Variants in NTM observed in about 807,000 individuals in gnomAD.
The protein encoded by NTM is neurotrimin, also known as IgLON family member 2.
Under a neutral mutation model 42.1 loss-of-function variants are expected in NTM, and 13 were observed. The ratio of observed to expected loss-of-function variants is 0.31; its 90% CI spans 0.20 to 0.49. NTM has a LOEUF of 0.49. Among genes scored for constraint, NTM ranks in the 20% least tolerant of loss-of-function variants. The pLI, the probability that NTM is intolerant of heterozygous loss-of-function variation, is 0.99. For synonymous variants in NTM, 187 were observed against 179.2 expected, an observed-to-expected ratio of 1.04 and a Z score of -0.35; for missense variants, 373 against 452.8, an observed-to-expected ratio of 0.82 and a Z score of 1.60.
At chr11:131,888,394 C>T (rs1235006496) in intron 1 of NTM, among the ~76,000 whole-genome samples, 1 of 152,178 alleles carries the variant, frequency 6.6e-6, no homozygotes, top group African/African-American at 2.4e-5. Flanking sequence ...GTCGTTCATT[C>T]CCCTCCAGCT....
Position 131,878,587 on chromosome 11 carries a change from AAAAAAAAATATATATATATATATATAT to A in NTM, c.83-32975_83-32949del, listed in dbSNP as rs1398870649. Among the ~76,000 whole-genome samples the A allele has an allele frequency of 3.6e-4, 21 of 58,554 alleles. 1 individual carries two copies. The highest frequency in any genetic ancestry group is 6.0e-4 in the East Asian group (1 of 1,672). 38.4% of individuals were successfully genotyped at this position (58,554 alleles called of 152,430 possible). On this transcript the variant is annotated intron_variant, in intron 1 of 8. Coordinates refer to ENST00000683400, the MANE Select transcript of NTM (RefSeq NM_001352005.2). ...TCCATCTCAAAAAAAAAAAAAAAAA[AAAAAAAAATATATATATATATATATAT>A]ATATATATATATATATATATATATA...
intron 1 of NTM, among the ~76,000 whole-genome samples, chr11:131,515,365 T>A (rs1406645456): frequency 6.6e-6 from 1 of 152,172 alleles, no homozygotes; most frequent in East Asian, 1.9e-4. Flanking sequence ...TTAGAGAATG[T>A]TCTCGGAGCC....
At chr11:131,753,061 C>G (rs946571825) in intron 1 of NTM, among the ~76,000 whole-genome samples, 2 of 151,928 alleles carry the variant, frequency 1.3e-5, no homozygotes, top group Non-Finnish European at 2.9e-5. Context: ...ACAAACAACC[C>G]CATCAAAAAG....
chr11:131,425,179 G>A (rs1331469046), intron 1 of NTM, among the ~76,000 whole-genome samples: 1 of 152,128 alleles, frequency 6.6e-6, no homozygotes, highest in African/African-American at 2.4e-5. Context: ...ATTGCGCCTG[G>A]CTAGTTGTCT....
chr11:131,735,720 G>A (rs1015326746), intron 1 of NTM, among the ~76,000 whole-genome samples: 6 of 152,044 alleles, frequency 3.9e-5, no homozygotes, highest in Admixed American at 6.6e-5. Flanking sequence ...TAGCTCAGTC[G>A]CTCTTTCCAT....
At chr11:131,715,418 A>G (rs912326354) in intron 1 of NTM, among the ~76,000 whole-genome samples, 12 of 152,166 alleles carry the variant, frequency 7.9e-5, no homozygotes, top group African/African-American at 2.7e-4. Context: ...ATTTTAGACT[A>G]TTTCATCTGC....
At position 132,028,159 on chromosome 11, in the gene NTM, A is replaced by C. The variant is rs141244399; in HGVS notation, c.167+116511A>C. ...TTAGAACTCTTAGCATATTATTCATAGTTACTTTAAATCCTCAATCTGATA... is the reference window on the plus strand; with the variant it reads ...TTAGAACTCTTAGCATATTATTCATCGTTACTTTAAATCCTCAATCTGATA... On this transcript the variant is annotated intron_variant, in intron 2 of 8. Coordinates refer to ENST00000683400, the MANE Select transcript of NTM (RefSeq NM_001352005.2). Among the ~76,000 whole-genome samples the C allele has an allele frequency of 7.1e-3, 1,065 of 150,770 alleles. 10 individuals are homozygous for C. Among genetic ancestry groups the C allele is most frequent in the African/African-American group, 0.024 (1,006 of 41,146 alleles).
At chr11:131,642,642 A>C (rs1412997342) in intron 1 of NTM, among the ~76,000 whole-genome samples, 1 of 152,158 alleles carries the variant, frequency 6.6e-6, no homozygotes, top group East Asian at 1.9e-4. Context: ...CCCAAGCTAC[A>C]GGGGAAGGAA....
intron 1 of NTM, among the ~76,000 whole-genome samples, chr11:131,565,000 C>T (rs938762288): frequency 4.6e-5 from 7 of 152,208 alleles, no homozygotes; most frequent in East Asian, 1.9e-4. Flanking sequence ...CACCGCCATG[C>T]GGTATGGGAC....
At position 131,736,734 on chromosome 11, in the gene NTM, G is replaced by T. The variant is rs56293415; in HGVS notation, c.83-174830G>T. Among the ~76,000 whole-genome samples the T allele has an allele frequency of 2.4e-3, 369 of 152,252 alleles. 4 individuals carry two copies. The highest frequency in any genetic ancestry group is 2.2e-3 in the Non-Finnish European group (147 of 68,018). ...GTAACTCAACTTTGGTAAAAATAGT[G>T]CAGACATTTCCGCAGCTTCTCTTAG... On this transcript the variant is annotated intron_variant, in intron 1 of 8. Coordinates refer to ENST00000683400, the MANE Select transcript of NTM (RefSeq NM_001352005.2).
intron 1 of NTM, among the ~76,000 whole-genome samples, chr11:131,421,622 G>T (rs1403709858): frequency 6.6e-6 from 1 of 152,190 alleles, no homozygotes; most frequent in Non-Finnish European, 1.5e-5. Context: ...GGGAGGTGAC[G>T]TGGGTCAAGA....
At chr11:132,013,774 G>A (rs959342098) in intron 2 of NTM, among the ~76,000 whole-genome samples, 1 of 152,056 alleles carries the variant, frequency 6.6e-6, no homozygotes, top group African/African-American at 2.4e-5. Context: ...ATTTGTTCAT[G>A]TTTATGTGAT....
intron 1 of NTM, among the ~76,000 whole-genome samples, chr11:131,476,788 C>T (rs1334400975): frequency 7.0e-6 from 1 of 141,912 alleles, no homozygotes; most frequent in Non-Finnish European, 1.5e-5. Flanking sequence ...TCCTACTCAG[C>T]CCACATAGGC....
At chr11:132,318,667 T>C (rs1591989845) in intron 7 of NTM, among the ~76,000 whole-genome samples, 1 of 152,334 alleles carries the variant, frequency 6.6e-6, no homozygotes, top group Non-Finnish European at 1.5e-5. Context: ...GCTGTCACCC[T>C]GAGGACAGTG....
chr11:131,794,950 G>A (rs533065880), intron 1 of NTM: 114 of 985,276 alleles, frequency 1.2e-4, no homozygotes, highest in Middle Eastern at 5.2e-4. Context: ...ACCTGAACCC[G>A]CATGTCAGTG....
chr11:131,599,338 T>C lies in NTM; in HGVS notation c.82+228450T>C, dbSNP rs111733371. Reference sequence around the variant, plus strand: ...TCTACCCAGTCTCCGGCAGATGCCCTGTCTACCCAGTCTCCGGCAGATGCC... The same window carrying C: ...TCTACCCAGTCTCCGGCAGATGCCCCGTCTACCCAGTCTCCGGCAGATGCC... On this transcript the variant is annotated intron_variant, in intron 1 of 8. Transcript: ENST00000683400. Among the ~76,000 whole-genome samples the C allele has an allele frequency of 4.2e-3, 229 of 54,884 alleles. 28 individuals are homozygous for C. The highest frequency in any genetic ancestry group is 7.0e-3 in the African/African-American group (209 of 30,056). The allele number at this position is 54,884 out of a possible 152,430, so 36.0% of individuals were successfully genotyped here. A position where few individuals can be genotyped will look rare whatever the true frequency, so the allele number is the denominator to read the frequency against.
chr11:131,939,024 CG>C (rs2059523982), intron 2 of NTM, among the ~76,000 whole-genome samples: 1 of 152,008 alleles, frequency 6.6e-6, no homozygotes, highest in South Asian at 2.1e-4. Context: ...TTGCAAAGCT[CG>C]GGAAAGAGAT....
chr11:132,242,153 C>G (rs1177248770), intron 4 of NTM, among the ~76,000 whole-genome samples: 1 of 152,216 alleles, frequency 6.6e-6, no homozygotes, highest in Non-Finnish European at 1.5e-5. Context: ...CCTCTCAGTC[C>G]TTAGCCTCAG....
rs554102949 is a variant in NTM at position 132,213,977 on chromosome 11, G to A, written c.526+1830G>A. Among the ~76,000 whole-genome samples the A allele has an allele frequency of 2.8e-4, 17 of 61,516 alleles. 5 individuals carry two copies. The highest frequency in any genetic ancestry group is 8.8e-4 in the South Asian group (2 of 2,264). The allele number at this position is 61,516 out of a possible 152,430, so 40.4% of individuals were successfully genotyped here. A position where few individuals can be genotyped will look rare whatever the true frequency, so the allele number is the denominator to read the frequency against. ...TCTCGATCTCCTGACCTCGTGATCC[G>A]CCCGCCTCGGCCTCCCAAAGTGCTG... On this transcript the variant is annotated intron_variant, in intron 4 of 8. Transcript: ENST00000683400.
Sources: allele counts gnomAD v4.1 joint callset (sites outside exome capture counted in the v4.1 genomes callset), GRCh38; gene constraint gnomAD v4.1.1; transcripts MANE v1.5; gene names NCBI Gene and HGNC (gene_info 2026-07-23, HGNC 2026-07-21).